Variants in ELF2 observed in about 807,000 individuals in gnomAD.
ELF2 encodes the protein E74 like ETS transcription factor 2.
Under a neutral mutation model 54.8 loss-of-function variants are expected in ELF2, and 11 were observed. That is an observed-to-expected ratio of 0.20 (90% confidence interval 0.13 to 0.33). The LOEUF (loss-of-function observed/expected upper bound fraction) is 0.33, where lower values mean the gene tolerates loss of function less well. Among genes scored for constraint, ELF2 ranks in the 10% least tolerant of loss-of-function variants. The pLI, the probability that ELF2 is intolerant of heterozygous loss-of-function variation, is 1.00. For synonymous variants in ELF2, 203 were observed against 245.1 expected (o/e 0.83, Z 1.61); for missense variants, 513 against 703.0 (o/e 0.73, Z 3.06).
At chr4:139,118,417 G>C (rs772431230) in intron 4 of ELF2, among the ~76,000 whole-genome samples, 2 of 152,122 alleles carry the variant, frequency 1.3e-5, no homozygotes, top group Non-Finnish European at 2.9e-5. Context: ...AACTGTCTTT[G>C]AGCAAACACT....
chr4:139,128,731 AG>A, intron 3 of ELF2, among the ~76,000 whole-genome samples: 1 of 151,856 alleles, frequency 6.6e-6, no homozygotes, highest in East Asian at 2.0e-4. Flanking sequence ...CATGTTGCCC[AG>A]GCTGGTCTTG....
At chr4:139,079,812 T>A (rs1208383884) in intron 4 of ELF2, among the ~76,000 whole-genome samples, 1 of 152,172 alleles carries the variant, frequency 6.6e-6, no homozygotes, top group Non-Finnish European at 1.5e-5. Context: ...CTTGGGAGGC[T>A]GAAGTGGGAG....
chr4:139,082,520 A>G (rs1406502728), intron 4 of ELF2, among the ~76,000 whole-genome samples: 2 of 152,226 alleles, frequency 1.3e-5, no homozygotes, highest in African/African-American at 2.4e-5. Context: ...TTTATAGAAT[A>G]AAAGACTGGT....
intron 1 of ELF2, among the ~76,000 whole-genome samples, chr4:139,162,825 A>C (rs1347942066): frequency 6.6e-6 from 1 of 152,078 alleles, no homozygotes; most frequent in African/African-American, 2.4e-5. Context: ...GTCTAGGCAT[A>C]GTGGCTCACA....
rs1178117138 is a variant in ELF2, at chr4:139,083,889, G to GCTC, written c.239-10325_239-10323dup. 5.3e-5 allele frequency among the ~76,000 whole-genome samples: 8 copies of GCTC among 152,210 alleles called. No homozygotes were observed. In the South Asian group the frequency reaches 1.7e-3, roughly 32 times the overall value. ...GCTCAGCCCGGCAGCTGCTGCTGCTGCTCGCCGAACCCACCCTGAAGCGAC... is the reference window on the plus strand; with the variant it reads ...GCTCAGCCCGGCAGCTGCTGCTGCTGCTCCTCGCCGAACCCACCCTGAAGCGAC... On this transcript the variant is annotated intron_variant, in intron 4 of 9. Coordinates refer to ENST00000686138, the MANE Select transcript of ELF2 (RefSeq NM_001331036.3).
chr4:139,065,975 T>TG (rs1728637420), intron 7 of ELF2: 1 of 146,226 alleles, frequency 6.8e-6, no homozygotes, highest in South Asian at 2.2e-4. Flanking sequence ...TCTCCCAAAT[T>TG]GGGTCACCAG....
chr4:139,059,914 C>A (rs912055668), intron 9 of ELF2, among the ~76,000 whole-genome samples: 1 of 150,858 alleles, frequency 6.6e-6, no homozygotes, highest in African/African-American at 2.4e-5. Context: ...GTGGTGCAAT[C>A]TTAGCTCACT....
intron 4 of ELF2, among the ~76,000 whole-genome samples, chr4:139,098,264 A>C (rs575343313): frequency 6.6e-6 from 1 of 152,206 alleles, no homozygotes; most frequent in East Asian, 1.9e-4. Context: ...TTTTCCTAAA[A>C]ATTTTTGTTT....
chr4:139,108,089 T>C (rs1734598088), intron 4 of ELF2, among the ~76,000 whole-genome samples: 1 of 152,154 alleles, frequency 6.6e-6, no homozygotes, highest in Non-Finnish European at 1.5e-5. Context: ...AAAATGACAA[T>C]CAATTTGTCG....
chr4:139,165,878 GTA>G (rs1294346131), intron 1 of ELF2, among the ~76,000 whole-genome samples: 1 of 152,122 alleles, frequency 6.6e-6, no homozygotes, highest in Non-Finnish European at 1.5e-5. Flanking sequence ...TATTCCAAAA[GTA>G]TATAAAACTC....
chr4:139,073,239 T>C (rs577099009), intron 5 of ELF2, among the ~76,000 whole-genome samples: 2 of 152,318 alleles, frequency 1.3e-5, no homozygotes, highest in South Asian at 2.1e-4. Context: ...TGTCTATCTA[T>C]AGTGGGTATT....
intron 4 of ELF2, among the ~76,000 whole-genome samples, chr4:139,122,062 T>C (rs1736410087): frequency 6.6e-6 from 1 of 152,188 alleles, no homozygotes; most frequent in Non-Finnish European, 1.5e-5. Flanking sequence ...CACATACATA[T>C]GGGTATTTAG....
chr4:139,086,735 G>C (rs1732025844), intron 4 of ELF2, among the ~76,000 whole-genome samples: 1 of 152,088 alleles, frequency 6.6e-6, no homozygotes, highest in African/African-American at 2.4e-5. Flanking sequence ...AAGTCTTAGA[G>C]ACAATATGAT....
Position 139,059,295 on chromosome 4 carries a change from T to C in ELF2, c.1470A>G (p.Pro490=), listed in dbSNP as rs1727465950. ...CAGGGGTAAGTGCTCTCACAGCCAA[T>C]GGGGTTCCAACAATGTTAATGCTTC... The part of the protein sequence containing the change: ...GSGSINIVGT[P]LAVRALTPVS... Residue 490 remains proline (P), a synonymous_variant, in exon 10 of 10, where the codon CCA becomes CCG. Transcript: ENST00000686138. 2 of 1,613,788 alleles carry C rather than the reference T, an allele frequency of 1.2e-6. No individual in the cohort carries two copies. The highest frequency in any genetic ancestry group is 1.7e-5 in the Admixed American group (1 of 59,980).
At chr4:139,104,508 CAAAAAAAAAA>C (rs34642901) in intron 4 of ELF2, among the ~76,000 whole-genome samples, 87 of 76,910 alleles carry the variant, frequency 1.1e-3, no homozygotes, top group African/African-American at 4.1e-3. Flanking sequence ...GACTCTGTCT[CAAAAAAAAAA>C]AAAAAAAAAG....
At chr4:139,151,032 A>AAG (rs1553971302) in intron 1 of ELF2, among the ~76,000 whole-genome samples, 5 of 102,510 alleles carry the variant, frequency 4.9e-5, no homozygotes, top group African/African-American at 1.0e-4. Flanking sequence ...TCAAAAAAAA[A>AAG]AAAGAAAGAA....
At chr4:139,090,704 C>T (rs1732475798) in intron 4 of ELF2, among the ~76,000 whole-genome samples, 3 of 152,118 alleles carry the variant, frequency 2.0e-5, no homozygotes, top group Admixed American at 6.6e-5. Context: ...AAACGATTCT[C>T]GTGCCTCTGC....
chr4:139,168,153 C>T (rs182735460), intron 1 of ELF2, among the ~76,000 whole-genome samples: 158 of 152,284 alleles, frequency 1.0e-3, no homozygotes, highest in African/African-American at 2.7e-3. Flanking sequence ...TGTGCTATTA[C>T]TAATACTACA....
At chr4:139,168,963 G>T (rs1275457855) in intron 1 of ELF2, among the ~76,000 whole-genome samples, 2 of 152,092 alleles carry the variant, frequency 1.3e-5, no homozygotes, top group Non-Finnish European at 1.5e-5. Context: ...TGGAGCCAGG[G>T]AAGGCCATGA....
Sources: gnomAD v4.1 joint callset for allele counts (sites outside exome capture counted in the v4.1 genomes callset) on GRCh38, gnomAD v4.1.1 for gene constraint, MANE v1.5 for transcripts, NCBI Gene and HGNC (gene_info 2026-07-23, HGNC 2026-07-21) for gene names.